TAFA4: variants seen among roughly 807,000 people sequenced by gnomAD.
TAFA4 encodes TAFA chemokine like family member 4, also known as chemokine-like protein TAFA-4.
TAFA4 carries 20 observed loss-of-function variants against 21.1 expected under a neutral mutation model. That is an observed-to-expected ratio of 0.95 (90% CI 0.67 to 1.38). The LOEUF is 1.38. Ranked by LOEUF, TAFA4 falls within the 40% of genes most tolerant of loss-of-function variation. TAFA4 has a pLI of 0.00. For synonymous variants in TAFA4, 71 were observed against 67.4 expected (o/e 1.05, Z -0.26); for missense variants, 211 against 180.9 (o/e 1.17, Z -0.95).
intron 3 of TAFA4, among the ~76,000 whole-genome samples, chr3:68,830,489 T>G (rs991999792): frequency 6.6e-6 from 1 of 152,222 alleles, no homozygotes; most frequent in South Asian, 2.1e-4. Context: ...TCCATGTAGT[T>G]GTGCAGTTTT....
chr3:68,801,851 A>G (rs943099919), intron 3 of TAFA4, among the ~76,000 whole-genome samples: 9 of 152,284 alleles, frequency 5.9e-5, no homozygotes, highest in Middle Eastern at 6.8e-3. Context: ...AAGATAATTA[A>G]GAAAGCCTAT....
At chr3:68,734,114 CAATA>C (rs1244064140) in intron 5 of TAFA4, among the ~76,000 whole-genome samples, 1 of 152,070 alleles carries the variant, frequency 6.6e-6, no homozygotes, top group Non-Finnish European at 1.5e-5. Flanking sequence ...TAGCCATAGA[CAATA>C]AATAAATGAA....
At chr3:68,912,635 C>T (rs2089971637) in intron 1 of TAFA4, among the ~76,000 whole-genome samples, 1 of 152,314 alleles carries the variant, frequency 6.6e-6, no homozygotes, top group Non-Finnish European at 1.5e-5. Context: ...GAATTAATAA[C>T]GGGCTTAGCT....
chr3:68,812,687 G>C (rs983897841), intron 3 of TAFA4, among the ~76,000 whole-genome samples: 1 of 152,122 alleles, frequency 6.6e-6, no homozygotes. Context: ...AGTCCTTAGA[G>C]ACCTAGAAAG....
At chr3:68,856,727 T>A (rs563713155) in intron 3 of TAFA4, among the ~76,000 whole-genome samples, 1 of 152,282 alleles carries the variant, frequency 6.6e-6, no homozygotes, top group Admixed American at 6.5e-5. Flanking sequence ...CACATTCATA[T>A]GGAAGGAATA....
intron 3 of TAFA4, among the ~76,000 whole-genome samples, chr3:68,826,825 G>C (rs952610044): frequency 3.9e-5 from 6 of 151,976 alleles, no homozygotes; most frequent in African/African-American, 7.3e-5. Context: ...TCTTACTCAG[G>C]AATATTATAA....
chr3:68,742,687 T>C (rs1280348687), intron 4 of TAFA4, among the ~76,000 whole-genome samples: 2 of 152,164 alleles, frequency 1.3e-5, no homozygotes, highest in East Asian at 3.8e-4. Context: ...ACCCATGTAA[T>C]AGAAAACCAC....
At chr3:68,756,178 T>C (rs1281076882) in intron 3 of TAFA4, among the ~76,000 whole-genome samples, 1 of 152,214 alleles carries the variant, frequency 6.6e-6, no homozygotes, top group Non-Finnish European at 1.5e-5. Flanking sequence ...TTGGGGTAAT[T>C]TGTTACACAG....
intron 1 of TAFA4, among the ~76,000 whole-genome samples, chr3:68,888,685 G>C (rs975419777): frequency 2.6e-5 from 4 of 152,050 alleles, no homozygotes; most frequent in Admixed American, 1.3e-4. Flanking sequence ...TCTGGTGAGG[G>C]CCTTCTTGCT....
At chr3:68,785,434 C>G (rs111909614) in intron 3 of TAFA4, among the ~76,000 whole-genome samples, 1 of 152,176 alleles carries the variant, frequency 6.6e-6, no homozygotes, top group Admixed American at 6.5e-5. Flanking sequence ...TCAGGCATGG[C>G]GGGCTGCGGG....
intron 1 of TAFA4, among the ~76,000 whole-genome samples, chr3:68,890,643 C>A (rs2089720667): frequency 6.6e-6 from 1 of 152,200 alleles, no homozygotes; most frequent in Non-Finnish European, 1.5e-5. Context: ...TCCAAGCTCA[C>A]TTAGCTAGTA....
chr3:68,784,634 G>C (rs1209377571), intron 3 of TAFA4, among the ~76,000 whole-genome samples: 1 of 152,240 alleles, frequency 6.6e-6, no homozygotes, highest in African/African-American at 2.4e-5. Flanking sequence ...CAAAGAGTGA[G>C]CAGCAGCAAG....
intron 3 of TAFA4, among the ~76,000 whole-genome samples, chr3:68,780,979 T>C (rs889883780): frequency 6.7e-6 from 1 of 149,898 alleles, no homozygotes; most frequent in African/African-American, 2.4e-5. Flanking sequence ...TAAAAGTAAA[T>C]AAAAGAATAG....
chr3:68,926,303 T>G (rs1559565699), intron 1 of TAFA4, among the ~76,000 whole-genome samples: 1 of 152,118 alleles, frequency 6.6e-6, no homozygotes, highest in African/African-American at 2.4e-5. Flanking sequence ...TTTACCAAAG[T>G]TTAAAAAGGA....
rs138254560 is a variant in TAFA4 at position 68,834,001 on chromosome 3, C to A, written c.130+46729G>T. Among the ~76,000 whole-genome samples the A allele has an allele frequency of 3.3e-3, 506 of 152,260 alleles. 1 individual carries two copies. The highest frequency in any genetic ancestry group is 0.012 in the African/African-American group (485 of 41,552). The stretch of plus-strand genomic sequence containing the variant: ...GGAGGGGAGAGGCAGACACATATTC[C>A]CAACTCTTCATGCTCCATTAGCCAG... On this transcript the variant is annotated intron_variant, in intron 3 of 5. Coordinates refer to ENST00000295569, the MANE Select transcript of TAFA4 (RefSeq NM_182522.5).
chr3:68,889,694 G>A (rs2089711694), intron 1 of TAFA4, among the ~76,000 whole-genome samples: 1 of 152,124 alleles, frequency 6.6e-6, no homozygotes, highest in Non-Finnish European at 1.5e-5. Context: ...ATCTAACTAT[G>A]AGGAAAATCA....
At chr3:68,917,203 C>G (rs2090011753) in intron 1 of TAFA4, among the ~76,000 whole-genome samples, 1 of 152,198 alleles carries the variant, frequency 6.6e-6, no homozygotes, top group Non-Finnish European at 1.5e-5. Context: ...TGGAGGGCAA[C>G]TTTCACCCCT....
intron 3 of TAFA4, among the ~76,000 whole-genome samples, chr3:68,830,611 T>C (rs7630532): frequency 0.038 from 5,836 of 152,302 alleles, 377 homozygotes; most frequent in African/African-American, 0.13. Flanking sequence ...CTTCCAATTA[T>C]GTGGTCACTT....
At chr3:68,755,622 A>C (rs531607379) in intron 3 of TAFA4, among the ~76,000 whole-genome samples, 1 of 152,308 alleles carries the variant, frequency 6.6e-6, no homozygotes, top group African/African-American at 2.4e-5. Flanking sequence ...CATGCAGCAG[A>C]TGTGCTGGTT....
Sources: gnomAD v4.1 joint callset for allele counts (sites outside exome capture counted in the v4.1 genomes callset) on GRCh38, gnomAD v4.1.1 for gene constraint, MANE v1.5 for transcripts, NCBI Gene and HGNC (gene_info 2026-07-23, HGNC 2026-07-21) for gene names.